The following KIAA0930 variants were observed in gnomAD, a reference collection of about 807,000 sequenced individuals.
KIAA0930 encodes the protein uncharacterized protein KIAA0930.
KIAA0930 carries 24 observed loss-of-function variants against 43.9 expected under a neutral mutation model. The ratio of observed to expected loss-of-function variants is 0.55; its 90% CI spans 0.40 to 0.77. KIAA0930 has a LOEUF of 0.77. Ranked by LOEUF, KIAA0930 falls within the 30% of genes least tolerant of loss-of-function variation. The pLI is 0.00. For missense variants in KIAA0930, 461 were observed against 574.2 expected (o/e 0.80, Z 2.02); for synonymous variants, 259 against 216.4 (o/e 1.20, Z -1.73).
chr22:45,201,377 A>AG (rs1195840500), intron 7 of KIAA0930, among the ~76,000 whole-genome samples: 1 of 152,280 alleles, frequency 6.6e-6, no homozygotes, highest in Non-Finnish European at 1.5e-5. Context: ...CTAAGGCACC[A>AG]GGGACTTTCA....
intron 7 of KIAA0930, chr22:45,200,965 G>C (rs889284862): frequency 7.7e-6 from 4 of 517,814 alleles, no homozygotes; most frequent in Admixed American, 6.1e-5. Context: ...AGGTGAAGAA[G>C]GGGGGGAAGG....
At chr22:45,237,272 G>A (rs1349404282) in intron 1 of KIAA0930, among the ~76,000 whole-genome samples, 1 of 152,246 alleles carries the variant, frequency 6.6e-6, no homozygotes, top group Admixed American at 6.5e-5. Flanking sequence ...AGCAGGGTTT[G>A]TACTTCAGCT....
At chr22:45,210,455 A>G (rs996512959) in intron 2 of KIAA0930, among the ~76,000 whole-genome samples, 1 of 152,100 alleles carries the variant, frequency 6.6e-6, no homozygotes, top group African/African-American at 2.4e-5. Flanking sequence ...GGGCACTCAT[A>G]TGGTCACACT....
At position 45,199,860 on chromosome 22, in the gene KIAA0930, A is replaced by C. The variant is rs747174785; in HGVS notation, c.1015+13T>G. 1 of 1,555,222 alleles carries C rather than the reference A, an allele frequency of 6.4e-7. No individual in the cohort carries two copies. The highest frequency in any genetic ancestry group is 1.8e-5 in the Admixed American group (1 of 54,434). ...AGGGCACGGGGACCCTAGGGCACGG[A>C]GTGGGGGGTCACCTCCACCGTCGTC... On this transcript the variant is annotated intron_variant, in intron 8 of 9. Transcript: ENST00000336156.
At chr22:45,211,456 A>G in intron 2 of KIAA0930, 1 of 400,964 alleles carries the variant, frequency 2.5e-6, no homozygotes. Flanking sequence ...AAGAACACCC[A>G]CCCTGTCGAG....
In KIAA0930 at chr22:45,197,064, G is replaced by T; in HGVS notation, c.*112C>A. 1 of 932,542 alleles carries T rather than the reference G, an allele frequency of 1.1e-6. No homozygotes were observed. The highest frequency in any genetic ancestry group is 1.9e-5 in the South Asian group (1 of 52,386). 57.8% of individuals were successfully genotyped at this position (932,542 alleles called of 1,614,324 possible). ...GAGTCGAGTGGCCTCGCCTGGCTGC[G>T]GCTCCAGCACTGGCGTGCCATCGCA... On this transcript the variant is annotated 3_prime_UTR_variant, in exon 10 of 10. Transcript: ENST00000336156.
intron 1 of KIAA0930, among the ~76,000 whole-genome samples, chr22:45,226,603 G>C (rs763691847): frequency 1.1e-4 from 16 of 151,922 alleles, no homozygotes; most frequent in Admixed American, 3.3e-4. Flanking sequence ...TCATCAAGCT[G>C]AAACAGTGGT....
At chr22:45,226,952 G>C (rs80184339) in intron 1 of KIAA0930, 2,991 of 153,016 alleles carry the variant, frequency 0.02, 95 homozygotes, top group African/African-American at 0.068. Flanking sequence ...TGAACCTTGA[G>C]GCCCACCCAC....
intron 1 of KIAA0930, among the ~76,000 whole-genome samples, chr22:45,216,041 A>C (rs2083730420): frequency 1.3e-5 from 2 of 152,042 alleles, no homozygotes; most frequent in African/African-American, 4.8e-5. Context: ...AAAAAAACAA[A>C]AGAAAGGGAG....
intron 1 of KIAA0930, among the ~76,000 whole-genome samples, chr22:45,235,643 G>A (rs2083884051): frequency 6.6e-6 from 1 of 152,112 alleles, no homozygotes; most frequent in East Asian, 1.9e-4. Context: ...ACTGCGCCAG[G>A]TGCTTTGTAT....
Position 45,205,670 on chromosome 22 carries a change from G to A in KIAA0930, c.374C>T (p.Ala125Val), listed in dbSNP as rs1478240217. The change falls in exon 4 of 10, where the codon GCT becomes GTT. Residue 125 changes from alanine to valine, a missense_variant. Physicochemically the swap from Ala to Val is moderately conservative, Grantham distance 64. Coordinates refer to ENST00000336156, the MANE Select transcript of KIAA0930 (RefSeq NM_001009880.2). ...YMVTCAVCTR[A>V]DGGDIHIHKK... is the part of the protein sequence containing the mutation. ...ATGGATGTGAATGTCCCCGCCGTCA[G>A]CACGTGTGCACACCGCACAGGTCAC... 6.2e-7 allele frequency: 1 copy of A among 1,614,126 alleles called. No individual in the cohort carries two copies. The highest frequency in any genetic ancestry group is 1.7e-5 in the Admixed American group (1 of 60,022).
intron 6 of KIAA0930, 58 bp from the exon 7 acceptor site, chr22:45,203,242 C>A (rs934491501): frequency 5.3e-6 from 8 of 1,508,512 alleles, no homozygotes; most frequent in Admixed American, 1.9e-5. Context: ...CCATGGGGCC[C>A]CTCCCCAGGA....
Position 45,205,955 on chromosome 22 carries a change from G to A in KIAA0930, c.217-43C>T, listed in dbSNP as rs531741710. 8.1e-6 allele frequency: 13 copies of A among 1,604,610 alleles called. No individual in the cohort carries two copies. The South Asian group carries it at 9.9e-5, about 12-fold the overall frequency. The stretch of plus-strand genomic sequence containing the variant: ...GAAGTGAGTGCCCAGGGCCCACTGT[G>A]GTGCTCTTCTTCTTCCCTGACTACT... On this transcript the variant is annotated intron_variant, in intron 2 of 9. Transcript: ENST00000336156.
chr22:45,208,936 C>CAGA (rs2083666596), intron 2 of KIAA0930, among the ~76,000 whole-genome samples: 1 of 152,220 alleles, frequency 6.6e-6, no homozygotes, highest in Non-Finnish European at 1.5e-5. Context: ...AGCGCAGAGC[C>CAGA]AGCAGCACAC....
rs1041885453 is a variant in KIAA0930 at position 45,197,036 on chromosome 22, C to T, written c.*140G>A. On this transcript the variant is annotated 3_prime_UTR_variant, in exon 10 of 10. Transcript: ENST00000336156. ...GTGTTCGTGGAGTCGGCCCCGGCCCCGGGAGTCGAGTGGCCTCGCCTGGCT... is the reference window on the plus strand; with the variant it reads ...GTGTTCGTGGAGTCGGCCCCGGCCCTGGGAGTCGAGTGGCCTCGCCTGGCT... The T allele has an allele frequency of 6.3e-5, 43 of 685,392 alleles. No homozygotes were observed. The highest frequency in any genetic ancestry group is 4.9e-4 in the African/African-American group (26 of 53,076). The allele number at this position is 685,392 out of a possible 1,614,324, so 42.5% of individuals were successfully genotyped here. A position where few individuals can be genotyped will look rare whatever the true frequency, so the allele number is the denominator to read the frequency against.
At chr22:45,229,043 C>A (rs2083829448) in intron 1 of KIAA0930, among the ~76,000 whole-genome samples, 1 of 106,020 alleles carries the variant, frequency 9.4e-6, no homozygotes, top group Non-Finnish European at 1.9e-5. Flanking sequence ...CTCTCCACCC[C>A]CCCACCACCA....
chr22:45,211,869 G>A (rs2083696470), intron 2 of KIAA0930, 87 bp downstream of exon 2: 1 of 1,352,212 alleles, frequency 7.4e-7, no homozygotes, highest in South Asian at 1.3e-5. Context: ...CATGAGCACT[G>A]TAGGAAAGCC....
chr22:45,221,285 G>A (rs1355755616), intron 1 of KIAA0930, among the ~76,000 whole-genome samples: 1 of 152,210 alleles, frequency 6.6e-6, no homozygotes, highest in Non-Finnish European at 1.5e-5. Context: ...AAAGTCCAGA[G>A]AGAAAATATC....
rs1569074477 is a variant in KIAA0930 at position 45,205,774 on chromosome 22, C to T, written c.336+19G>A. 3 of 1,096,308 alleles carry T rather than the reference C, an allele frequency of 2.7e-6. No individual in the cohort carries two copies. The East Asian group carries it at 7.8e-5, about 29-fold the overall frequency. The allele number at this position is 1,096,308 out of a possible 1,614,324, so 67.9% of individuals were successfully genotyped here. ...ATCCCACAGGGCCAATCCGCAGCCC[C>T]ACCCATCCCACCCCATACCTTCTGC... is the stretch of plus-strand genomic sequence containing the variant. On this transcript the variant is annotated intron_variant, in intron 3 of 9. Coordinates refer to ENST00000336156, the MANE Select transcript of KIAA0930 (RefSeq NM_001009880.2).
Sources: allele counts gnomAD v4.1 joint callset (sites outside exome capture counted in the v4.1 genomes callset), GRCh38; gene constraint gnomAD v4.1.1; transcripts MANE v1.5; gene names NCBI Gene and HGNC (gene_info 2026-07-23, HGNC 2026-07-21).